Variants in MYH16 observed in about 807,000 individuals in gnomAD.
MYH16 encodes putative uncharacterized protein MYH16.
At chr7:99,277,756 C>G (rs1792135602) in intron 21 of MYH16, 44 bp downstream of exon 3, 1 of 424,164 alleles carries the variant, frequency 2.4e-6, no homozygotes, top group African/African-American at 2.0e-5. Context: ...CCCATACAGC[C>G]TGGACCCTGG....
At chr7:99,239,788 G>A (rs1413145527) in intron 1 of MYH16, among the ~76,000 whole-genome samples, 1 of 152,156 alleles carries the variant, frequency 6.6e-6, no homozygotes, top group African/African-American at 2.4e-5. Flanking sequence ...GTAAATCAGG[G>A]ACACTTCCCC....
At chr7:99,251,198 G>A (rs149828505) in intron 6 of MYH16, 2,906 of 208,274 alleles carry the variant, frequency 0.014, 34 homozygotes, top group Middle Eastern at 0.042. Flanking sequence ...TAAGTGTGGG[G>A]ACCACATGAG....
chr7:99,269,793 A>C lies in MYH16; in HGVS notation n.2267-1164A>C, dbSNP rs116287509. On this transcript the variant is annotated intron_variant and non_coding_transcript_variant, in intron 18 of 41. Coordinates refer to ENST00000439784, the Ensembl canonical transcript of MYH16. ...AGTGCTGCTGTGAACATCCTTGCTCATGGTCCTGTGCAGGAATTTCTCTAG... is the reference window on the plus strand; with the variant it reads ...AGTGCTGCTGTGAACATCCTTGCTCCTGGTCCTGTGCAGGAATTTCTCTAG... Among the ~76,000 whole-genome samples, 501 of 150,250 alleles carry C rather than the reference A, an allele frequency of 3.3e-3. 3 individuals are homozygous for C. Among genetic ancestry groups the C allele is most frequent in the African/African-American group, 0.012 (476 of 40,760 alleles).
At chr7:99,280,588 AC>A (rs1384783301) in intron 22 of MYH16, among the ~76,000 whole-genome samples, 1 of 152,022 alleles carries the variant, frequency 6.6e-6, no homozygotes, top group African/African-American at 2.4e-5. Context: ...GCACACACAA[AC>A]CACTGGGGAT....
chr7:99,296,358 A>AAT (rs1792491745), intron 33 of MYH16, among the ~76,000 whole-genome samples: 1 of 152,090 alleles, frequency 6.6e-6, no homozygotes, highest in Non-Finnish European at 1.5e-5. Flanking sequence ...ATTACAGTGA[A>AAT]ATATATTAAG....
intron 1 of MYH16, among the ~76,000 whole-genome samples, chr7:99,239,937 C>G (rs958055865): frequency 2.0e-5 from 3 of 152,068 alleles, no homozygotes; most frequent in Non-Finnish European, 4.4e-5. Flanking sequence ...AATCCCAGCA[C>G]TTTGGGAGAC....
intron 39 of MYH16, among the ~76,000 whole-genome samples, 156 bp downstream of exon 20, chr7:99,303,346 G>A (rs1485021609): frequency 3.3e-5 from 5 of 152,270 alleles, no homozygotes; most frequent in Non-Finnish European, 7.3e-5. Flanking sequence ...CTCTGGAGGA[G>A]CCCAAGGCTT....
chr7:99,300,889 G>T (rs1792581986), intron 37 of MYH16, among the ~76,000 whole-genome samples: 1 of 152,018 alleles, frequency 6.6e-6, no homozygotes, highest in Admixed American at 6.5e-5. Flanking sequence ...CTGGTGATAA[G>T]TCCTATGGAG....
intron 19 of MYH16, among the ~76,000 whole-genome samples, 93 bp from the exon 1 acceptor site, chr7:99,272,746 C>CA (rs111962523): frequency 0.023 from 3,215 of 139,562 alleles, 89 homozygotes; most frequent in African/African-American, 0.073. Context: ...GACCCTGTCT[C>CA]AAAAAAAAAA....
At chr7:99,310,994 T>C (rs1026273946), downstream of MYH16, 1 of 152,186 alleles carries the variant, frequency 6.6e-6, no homozygotes, top group Non-Finnish European at 1.5e-5. Flanking sequence ...CTGTTTCAGT[T>C]GAGTTCCTAC....
intron 30 of MYH16, 21 bp downstream of exon 11, chr7:99,289,425 G>A: frequency 2.6e-6 from 1 of 389,788 alleles, no homozygotes; most frequent in South Asian, 1.8e-5. Context: ...TCCGCCCTGA[G>A]CTTGCTAAGG....
chr7:99,273,448 G>A (rs57685378), intron 20 of MYH16, 25 bp downstream of exon 2: 3 of 456,400 alleles, frequency 6.6e-6, no homozygotes, highest in Non-Finnish European at 1.3e-5. Context: ...GCCAGGCCAG[G>A]GGGGACTGCT....
chr7:99,249,049 C>T (rs1178240538), intron 4 of MYH16: 2 of 152,636 alleles, frequency 1.3e-5, no homozygotes, highest in Admixed American at 6.5e-5. Context: ...TGTCTATACA[C>T]ATATAATTAG....
chr7:99,245,762 G>T (rs1253200603), intron 2 of MYH16, among the ~76,000 whole-genome samples: 1 of 152,146 alleles, frequency 6.6e-6, no homozygotes, highest in Non-Finnish European at 1.5e-5. Flanking sequence ...TCCTGACCCT[G>T]TGATCCGCCT....
chr7:99,248,505 C>T (rs1320589287), intron 3 of MYH16, among the ~76,000 whole-genome samples: 2 of 152,218 alleles, frequency 1.3e-5, no homozygotes, highest in Non-Finnish European at 2.9e-5. Flanking sequence ...AAGCAATCCT[C>T]CTGCTTCAGC....
Position 99,284,949 on chromosome 7 carries a change from C to T in MYH16, n.3316+14C>T, listed in dbSNP as rs978043460. 4 of 456,462 alleles carry T rather than the reference C, an allele frequency of 8.8e-6. No homozygotes were observed. Among genetic ancestry groups the T allele is most frequent in the South Asian group, 1.5e-5 (1 of 64,574 alleles). 28.3% of individuals were successfully genotyped at this position (456,462 alleles called of 1,614,324 possible). ...AAGGAGCACCAGGTATGTCCAGGAC[C>T]GAGAAGCATGAGCTCTCTGTCAGAA... On this transcript the variant is annotated intron_variant and non_coding_transcript_variant, in intron 26 of 41. Coordinates refer to ENST00000439784, the Ensembl canonical transcript of MYH16.
intron 37 of MYH16, among the ~76,000 whole-genome samples, chr7:99,301,012 T>C (rs1024800279): frequency 6.6e-6 from 1 of 151,862 alleles, no homozygotes; most frequent in Non-Finnish European, 1.5e-5. Context: ...CTGAGCAACC[T>C]GGCAAAACCC....
At chr7:99,245,138 G>A (rs957507448) in intron 2 of MYH16, among the ~76,000 whole-genome samples, 6 of 152,216 alleles carry the variant, frequency 3.9e-5, no homozygotes, top group Non-Finnish European at 8.8e-5. Flanking sequence ...GGGGAAGAGT[G>A]ACTCCATGGC....
At position 99,293,605 on chromosome 7, in the gene MYH16, G is replaced by C. The variant is rs1792424826; in HGVS notation, n.4150-413G>C. Among the ~76,000 whole-genome samples the C allele has an allele frequency of 2.0e-5, 3 of 152,112 alleles. No homozygotes were observed. The South Asian group carries it at 6.2e-4, about 32-fold the overall frequency. ...GTCCCCTTCTCAGAGAGTCTCTCCTGAGTCTGTATTTGACATTGTCACCCC... is the reference window on the plus strand; with the variant it reads ...GTCCCCTTCTCAGAGAGTCTCTCCTCAGTCTGTATTTGACATTGTCACCCC... On this transcript the variant is annotated intron_variant and non_coding_transcript_variant, in intron 32 of 41. Coordinates refer to ENST00000439784, the Ensembl canonical transcript of MYH16.
Sources: allele counts gnomAD v4.1 joint callset (sites outside exome capture counted in the v4.1 genomes callset), GRCh38; gene constraint gnomAD v4.1.1; transcripts MANE v1.5; gene names NCBI Gene and HGNC (gene_info 2026-07-23, HGNC 2026-07-21).